ST7L: variants seen among roughly 807,000 people sequenced by gnomAD.
ST7L encodes suppression of tumorigenicity 7 like.
In ST7L, 57 loss-of-function variants were observed where a neutral mutation model predicts 72.5. That is an observed-to-expected ratio of 0.79 (90% CI 0.64 to 0.98). The LOEUF is 0.98. ST7L is among the 50% of genes least tolerant of loss of function. The pLI is 0.00. For missense variants in ST7L, 576 were observed against 672.2 expected, an observed-to-expected ratio of 0.86 and a Z score of 1.58; for synonymous variants, 221 against 240.9, an observed-to-expected ratio of 0.92 and a Z score of 0.77.
At chr1:112,594,208 G>GA (rs11317306) in intron 5 of ST7L, among the ~76,000 whole-genome samples, 3,564 of 89,556 alleles carry the variant, frequency 0.04, 71 homozygotes, top group African/African-American at 0.066. Context: ...TTATTTTACA[G>GA]AAAAAAAAAA....
At chr1:112,601,414 T>G (rs1192617024) in intron 3 of ST7L, among the ~76,000 whole-genome samples, 1 of 151,950 alleles carries the variant, frequency 6.6e-6, no homozygotes, top group Non-Finnish European at 1.5e-5. Flanking sequence ...CCCGGCTAAT[T>G]TTTTGTATTT....
downstream of ST7L, among the ~76,000 whole-genome samples, chr1:112,518,733 G>GT (rs1051982510): frequency 2.0e-5 from 3 of 152,146 alleles, no homozygotes; most frequent in African/African-American, 7.2e-5. Context: ...ATGTGTGTTC[G>GT]TTTTTCTCAG....
intron 3 of ST7L, among the ~76,000 whole-genome samples, chr1:112,605,550 C>T (rs1289361606): frequency 1.4e-5 from 2 of 140,884 alleles, no homozygotes; most frequent in Non-Finnish European, 3.1e-5. Context: ...ATTAGCCAGG[C>T]GTGGTGGCGC....
At chr1:112,580,086 C>T (rs566786936) in intron 9 of ST7L, among the ~76,000 whole-genome samples, 117 of 152,326 alleles carry the variant, frequency 7.7e-4, no homozygotes, top group African/African-American at 2.7e-3. Flanking sequence ...CTTCCCAAGT[C>T]ATGGGGATTC....
chr1:112,571,242 C>A, intron 11 of ST7L: 1 of 444,120 alleles, frequency 2.3e-6, no homozygotes, highest in Non-Finnish European at 4.5e-6. Context: ...GGTCTATCTA[C>A]AAACAATAAT....
intron 3 of ST7L, among the ~76,000 whole-genome samples, chr1:112,605,009 C>T (rs1351032703): frequency 2.7e-5 from 4 of 149,126 alleles, no homozygotes; most frequent in Non-Finnish European, 4.5e-5. Flanking sequence ...ATCATTTGAA[C>T]CCAGGAGGCA....
At chr1:112,564,348 T>C (rs879601347) in intron 11 of ST7L, among the ~76,000 whole-genome samples, 2 of 152,232 alleles carry the variant, frequency 1.3e-5, no homozygotes, top group East Asian at 3.9e-4. Context: ...CAGTACAACA[T>C]AAGGGAAAGG....
chr1:112,546,424 C>A (rs763864028), intron 13 of ST7L, among the ~76,000 whole-genome samples: 32 of 151,704 alleles, frequency 2.1e-4, no homozygotes, highest in Admixed American at 7.9e-4. Flanking sequence ...GCTGTAGGGG[C>A]CTCAAGTTTG....
intron 11 of ST7L, among the ~76,000 whole-genome samples, chr1:112,564,660 T>G (rs1660672743): frequency 6.6e-6 from 1 of 151,748 alleles, no homozygotes; most frequent in African/African-American, 2.4e-5. Flanking sequence ...CTACTAAAAA[T>G]ACAAAAATTG....
intron 13 of ST7L, among the ~76,000 whole-genome samples, chr1:112,547,364 TGTATTTTTA>T (rs1657264661): frequency 6.6e-6 from 1 of 151,838 alleles, no homozygotes; most frequent in Non-Finnish European, 1.5e-5. Flanking sequence ...GGCTAACTTT[TGTATTTTTA>T]GTAGAGATGG....
intron 13 of ST7L, among the ~76,000 whole-genome samples, chr1:112,546,927 C>A (rs148625686): frequency 2.0e-5 from 3 of 151,416 alleles, no homozygotes; most frequent in Non-Finnish European, 4.4e-5. Flanking sequence ...GTAGATTATA[C>A]AAGAAAATAT....
At chr1:112,616,193 T>C (rs146708125) in intron 2 of ST7L, among the ~76,000 whole-genome samples, 115 of 152,294 alleles carry the variant, frequency 7.6e-4, no homozygotes, top group African/African-American at 2.6e-3. Flanking sequence ...ATTATTAAAC[T>C]CTATCCATTT....
rs750656494 is a variant in ST7L at position 112,526,094 on chromosome 1, G to A, written c.1647C>T (p.Cys549=). The A allele has an allele frequency of 6.5e-5, 105 of 1,614,008 alleles. No homozygotes were observed. The highest frequency in any genetic ancestry group is 8.1e-5 in the Non-Finnish European group (95 of 1,180,036). Residue 549 remains cysteine (C), a synonymous_variant, in exon 15 of 15, where the codon TGC becomes TGT. Coordinates refer to ENST00000358039, the MANE Select transcript of ST7L (RefSeq NM_017744.5). ...IFAKAVLGLW[C]PQPWASSGFE... ...AGCCTGAGGATGCCCAGGGTTGGGG[G>A]CACCAGAGTCCCAGCACCTTCAAAA... is the stretch of plus-strand genomic sequence containing the variant.
intron 11 of ST7L, among the ~76,000 whole-genome samples, chr1:112,558,154 CA>C (rs762130431): frequency 4.8e-4 from 73 of 152,084 alleles, no homozygotes; most frequent in Non-Finnish European, 7.8e-4. Context: ...TCTTTGGTTC[CA>C]AACAATTTGA....
In ST7L at chr1:112,603,908, A is replaced by G. The variant is rs145281500; in HGVS notation, c.452-3060T>C. 3.1e-4 allele frequency among the ~76,000 whole-genome samples: 47 copies of G among 152,270 alleles called. No individual in the cohort carries two copies. The East Asian group carries it at 7.5e-3, about 24-fold the overall frequency. On this transcript the variant is annotated intron_variant, in intron 3 of 14. Coordinates refer to ENST00000358039, the MANE Select transcript of ST7L (RefSeq NM_017744.5). ...ATTACCACCTGAAGCCCTATTTTCA[A>G]TAGTCATATGGGGGATTAGGGGTTC... is the stretch of plus-strand genomic sequence containing the variant.
At chr1:112,578,469 C>A (rs768956354) in intron 9 of ST7L, 52 bp from the exon 10 acceptor site, 2 of 1,508,566 alleles carry the variant, frequency 1.3e-6, no homozygotes, top group South Asian at 2.3e-5. Flanking sequence ...GGTATTGAGA[C>A]AATTTTTTAA....
At chr1:112,570,657 CCTAAA>C in intron 11 of ST7L, 1 of 436,254 alleles carries the variant, frequency 2.3e-6, no homozygotes, top group South Asian at 1.7e-5. Context: ...GAAGAAAACC[CCTAAA>C]TCCCTTTATG....
At chr1:112,611,836 G>A (rs1018766307) in intron 2 of ST7L, among the ~76,000 whole-genome samples, 1 of 151,864 alleles carries the variant, frequency 6.6e-6, no homozygotes, top group African/African-American at 2.4e-5. Context: ...GGGTGAGGTG[G>A]TGCATGCCTG....
At chr1:112,607,683 G>A (rs1157972383) in intron 3 of ST7L, 1 of 146,188 alleles carries the variant, frequency 6.8e-6, no homozygotes, top group Non-Finnish European at 1.5e-5. Flanking sequence ...AGAAAACAGG[G>A]GAAATATAAA....
Sources: gnomAD v4.1 joint callset for allele counts (sites outside exome capture counted in the v4.1 genomes callset) on GRCh38, gnomAD v4.1.1 for gene constraint, MANE v1.5 for transcripts, NCBI Gene and HGNC (gene_info 2026-07-23, HGNC 2026-07-21) for gene names.